The following MEI1 variants were observed in gnomAD, a reference collection of about 807,000 sequenced individuals.
MEI1 encodes meiotic double-stranded break formation protein 1, also known as meiosis inhibitor protein 1.
In MEI1, 103 loss-of-function variants were observed where a neutral mutation model predicts 146.2. That is an observed-to-expected ratio of 0.70 (90% CI 0.60 to 0.83). The LOEUF is 0.83. Ranked by LOEUF, MEI1 falls within the 40% of genes least tolerant of loss-of-function variation. The probability of loss-of-function intolerance (pLI) is 0.00; values close to 1 mark genes in which losing one functional copy is unlikely to be tolerated. For synonymous variants in MEI1, 652 were observed against 628.2 expected (o/e 1.04, Z -0.57); for missense variants, 1,529 against 1,533.0 (o/e 1.00, Z 0.04).
At chr22:41,715,979 G>A in intron 4 of MEI1, 62 bp from the exon 5 acceptor site, 1 of 1,245,860 alleles carries the variant, frequency 8.0e-7, no homozygotes, top group Admixed American at 2.0e-5. Context: ...GGAAAGATCA[G>A]TTTTGGTGGA....
In MEI1 at chr22:41,716,791, G is replaced by A. The variant is rs1312078430; in HGVS notation, c.529+645G>A. On this transcript the variant is annotated intron_variant, in intron 5 of 30. Transcript: ENST00000401548. ...TGCAAGCTCTGCCTCCCGGGTTCAC[G>A]CCATTCTACTGCCTCAGCCTCCCGA... Among the ~76,000 whole-genome samples the A allele has an allele frequency of 3.3e-5, 5 of 149,548 alleles. No individual in the cohort carries two copies. In the East Asian group the frequency reaches 7.9e-4, roughly 24 times the overall value.
intron 26 of MEI1, among the ~76,000 whole-genome samples, chr22:41,790,638 G>C (rs561665483): frequency 1.3e-5 from 2 of 151,818 alleles, no homozygotes; most frequent in Non-Finnish European, 2.9e-5. Context: ...TGTCACCCAG[G>C]CTGGAGTGCA....
intron 11 of MEI1, among the ~76,000 whole-genome samples, chr22:41,739,970 T>A (rs1436541181): frequency 6.6e-6 from 1 of 151,778 alleles, no homozygotes; most frequent in Non-Finnish European, 1.5e-5. Flanking sequence ...TGGGTCAGAA[T>A]TGTGGAGAGA....
intron 25 of MEI1, 31 bp from the exon 26 acceptor site, chr22:41,784,577 G>T: frequency 6.2e-7 from 1 of 1,607,592 alleles, no homozygotes; most frequent in African/African-American, 1.3e-5. Flanking sequence ...AAGGAGACAG[G>T]AATTGGGTGT....
chr22:41,715,986 TG>T, intron 4 of MEI1, 54 bp from the exon 5 acceptor site: 1 of 1,298,734 alleles, frequency 7.7e-7, no homozygotes, highest in Non-Finnish European at 1.1e-6. Flanking sequence ...TCAGTTTTGG[TG>T]GAAGATCTGT....
At chr22:41,732,969 C>T (rs112650011) in intron 11 of MEI1, among the ~76,000 whole-genome samples, 3,117 of 151,626 alleles carry the variant, frequency 0.021, 101 homozygotes, top group African/African-American at 0.071. Flanking sequence ...TTATTAGAGG[C>T]GAGGTTTCAC....
At chr22:41,771,021 C>T in intron 20 of MEI1, 60 bp downstream of exon 20, 2 of 1,566,350 alleles carry the variant, frequency 1.3e-6, no homozygotes, top group Non-Finnish European at 1.7e-6. Flanking sequence ...TCTCTGAGAG[C>T]CGGTTTACTG....
Position 41,795,273 on chromosome 22 carries a change from C to A in MEI1, c.3535-138C>A. The stretch of plus-strand genomic sequence containing the variant: ...CATGACACAGTCCCACCTCTGCCCA[C>A]TAACTCTGAGCTCCTTGAAGGCAGG... On this transcript the variant is annotated intron_variant, in intron 28 of 30. Coordinates refer to ENST00000401548, the MANE Select transcript of MEI1 (RefSeq NM_152513.4). This position sits in a 1 kb window ranked among gnomAD's most constrained non-coding sequence, Gnocchi z 4.2. The A allele has an allele frequency of 8.4e-7, 1 of 1,186,194 alleles. No individual in the cohort carries two copies. The allele number at this position is 1,186,194 out of a possible 1,614,324, so 73.5% of individuals were successfully genotyped here.
At chr22:41,746,269 G>A (rs1428795020) in intron 14 of MEI1, among the ~76,000 whole-genome samples, 1 of 152,212 alleles carries the variant, frequency 6.6e-6, no homozygotes, top group Non-Finnish European at 1.5e-5. Context: ...AAGTGGGTAA[G>A]TTTATGGAGT....
rs201702273 is a variant in MEI1, at chr22:41,799,341, C to T, written c.*42C>T. 9.7e-4 allele frequency: 1,536 copies of T among 1,591,360 alleles called. 4 individuals carry two copies. Among genetic ancestry groups the T allele is most frequent in the South Asian group, 4.6e-3 (420 of 90,496 alleles). ...GCCCAGAAGTGGAGAGAGAATGAGA[C>T]CTGGAGACAAAGGGCATAATTGTTG... On this transcript the variant is annotated 3_prime_UTR_variant, in exon 31 of 31. Transcript: ENST00000401548.
chr22:41,757,074 C>T (rs2074138641), intron 17 of MEI1, among the ~76,000 whole-genome samples: 1 of 152,112 alleles, frequency 6.6e-6, no homozygotes, highest in African/African-American at 2.4e-5. Flanking sequence ...CTTTTCTCCT[C>T]ACCCTCCACA....
intron 6 of MEI1, among the ~76,000 whole-genome samples, chr22:41,719,199 G>T (rs1601716363): frequency 6.6e-6 from 1 of 151,938 alleles, no homozygotes. Context: ...AGACAGGATG[G>T]TCTCGATCTC....
intron 26 of MEI1, among the ~76,000 whole-genome samples, chr22:41,790,942 A>T (rs1027806681): frequency 3.9e-5 from 6 of 152,204 alleles, no homozygotes; most frequent in Non-Finnish European, 7.3e-5. Flanking sequence ...AGGAGGCTTC[A>T]CAGAGAAGGT....
intron 3 of MEI1, among the ~76,000 whole-genome samples, chr22:41,713,155 G>T (rs1473400046): frequency 3.3e-5 from 5 of 152,062 alleles, no homozygotes; most frequent in Non-Finnish European, 5.9e-5. Context: ...CTAATGTGCA[G>T]CCTGAGTTGA....
At position 41,724,031 on chromosome 22, in the gene MEI1, A is replaced by C; in HGVS notation, c.822A>C (p.Glu274Asp). The C allele has an allele frequency of 6.2e-7, 1 of 1,613,852 alleles. No homozygotes were observed. The highest frequency in any genetic ancestry group is 8.5e-7 in the Non-Finnish European group (1 of 1,179,854). The part of the protein sequence containing the change: ...DGLGESAKNI[E>D]GSSGNTSLPL... Reference sequence around the variant, plus strand: ...TGGGAGAAAGTGCTAAGAATATCGAAGGGTCATCAGGAAATACCTCACTGC... The same window carrying C: ...TGGGAGAAAGTGCTAAGAATATCGACGGGTCATCAGGAAATACCTCACTGC... Residue 274 changes from glutamate to aspartate, a missense_variant, in exon 7 of 31, where the codon GAA becomes GAC. This residue lies in a region of MEI1 where 1,212 missense variants were observed against 1,178.9 expected (regional missense o/e 1.03). Transcript: ENST00000401548.
chr22:41,720,019 A>G (rs2070614439), intron 6 of MEI1, among the ~76,000 whole-genome samples: 1 of 152,224 alleles, frequency 6.6e-6, no homozygotes, highest in African/African-American at 2.4e-5. Context: ...CTCTGAGGTC[A>G]CAGAGATGAT....
At position 41,709,554 on chromosome 22, in the gene MEI1, G is replaced by A. The variant is rs142256978; in HGVS notation, c.349+4000G>A. On this transcript the variant is annotated intron_variant, in intron 3 of 30. Coordinates refer to ENST00000401548, the MANE Select transcript of MEI1 (RefSeq NM_152513.4). Reference sequence around the variant, plus strand: ...GGGATGCAGCGGCACACGGGCTTTGGTCGGTCCAGGGGTTGTTCTCGCCTC... The same window carrying A: ...GGGATGCAGCGGCACACGGGCTTTGATCGGTCCAGGGGTTGTTCTCGCCTC... 1.3e-3 allele frequency: 690 copies of A among 534,220 alleles called. 4 individuals are homozygous for A. The Middle Eastern group carries it at 0.023, about 18-fold the overall frequency. 33.1% of individuals were successfully genotyped at this position (534,220 alleles called of 1,614,324 possible). A position where few individuals can be genotyped will look rare whatever the true frequency, so the allele number is the denominator to read the frequency against.
Position 41,724,835 on chromosome 22 carries a change from C to A in MEI1, c.864+762C>A, listed in dbSNP as rs938239116. Among the ~76,000 whole-genome samples, 13 of 150,524 alleles carry A rather than the reference C, an allele frequency of 8.6e-5. No homozygotes were observed. The South Asian group carries it at 1.5e-3, about 17-fold the overall frequency. ...TTTTTTTTTAAGTGCCGAGGTCTTG[C>A]TCTCTCCACTCAGGCTGGAATGTAG... On this transcript the variant is annotated intron_variant, in intron 7 of 30. Transcript: ENST00000401548.
chr22:41,791,980 G>A (rs2076198019), intron 26 of MEI1, among the ~76,000 whole-genome samples: 1 of 152,198 alleles, frequency 6.6e-6, no homozygotes, highest in Non-Finnish European at 1.5e-5. Context: ...CTAGGGCTGA[G>A]TGGAGAGATG....
Sources: gnomAD v4.1 joint callset for allele counts (sites outside exome capture counted in the v4.1 genomes callset) on GRCh38, gnomAD v4.1.1 for gene constraint, gnomAD v4.1.1 regional missense constraint, Gnocchi (gnomAD v3.1) non-coding constraint, MANE v1.5 for transcripts, NCBI Gene and HGNC (gene_info 2026-07-23, HGNC 2026-07-21) for gene names.